HIVEP1: variants seen among roughly 807,000 people sequenced by gnomAD.
HIVEP1 encodes zinc finger protein 40.
Under a neutral mutation model 180.0 loss-of-function variants are expected in HIVEP1, and 36 were observed. That is an observed-to-expected ratio of 0.20 (90% CI 0.15 to 0.26). The LOEUF is 0.26. HIVEP1 is among the 10% of genes least tolerant of loss of function. The pLI is 1.00. For missense variants in HIVEP1, 3,143 were observed against 3,268.7 expected (o/e 0.96, Z 0.94); for synonymous variants, 1,239 against 1,239.0 (o/e 1.00, Z 0.00).
At chr6:12,007,982 A>C (rs1767096108), upstream of HIVEP1, 2 of 152,122 alleles carry the variant, frequency 1.3e-5, no homozygotes, top group South Asian at 4.1e-4. Flanking sequence ...TGTAAAGTGG[A>C]GGCACAGGTA....
the HIVEP1 span, among the ~76,000 whole-genome samples, chr6:12,194,755 TC>T: frequency 1.3e-5 from 2 of 152,094 alleles, no homozygotes; most frequent in African/African-American, 4.8e-5. Context: ...TGAGCAGAGA[TC>T]GCGCCACTGC....
chr6:12,186,694 T>C, the HIVEP1 span, among the ~76,000 whole-genome samples: 2 of 151,954 alleles, frequency 1.3e-5, no homozygotes, highest in African/African-American at 4.8e-5. Context: ...CTCAGCAACA[T>C]AGCAGCTGCA....
chr6:12,068,877 T>TAA (rs60527253), intron 2 of HIVEP1, among the ~76,000 whole-genome samples: 2 of 151,988 alleles, frequency 1.3e-5, no homozygotes, highest in African/African-American at 2.4e-5. Context: ...GCATATACAA[T>TAA]AAAAAATTGG....
chr6:12,062,587 A>C (rs1251619298), intron 2 of HIVEP1, among the ~76,000 whole-genome samples: 1 of 152,210 alleles, frequency 6.6e-6, no homozygotes, highest in African/African-American at 2.4e-5. Context: ...TTGTTAGACA[A>C]TAAGAAGTAA....
chr6:12,011,012 G>A (rs1481945152), upstream of HIVEP1, among the ~76,000 whole-genome samples: 1 of 152,030 alleles, frequency 6.6e-6, no homozygotes, highest in African/African-American at 2.4e-5. Flanking sequence ...AATTGCGCTC[G>A]CAGCTTCGGC....
intron 7 of HIVEP1, among the ~76,000 whole-genome samples, chr6:12,140,879 A>G (rs773850933): frequency 7.9e-5 from 12 of 152,222 alleles, no homozygotes; most frequent in Non-Finnish European, 1.5e-4. Context: ...TGAAAAAACC[A>G]AATCTACATT....
At chr6:12,045,675 G>C (rs1045870985) in intron 2 of HIVEP1, among the ~76,000 whole-genome samples, 2 of 152,178 alleles carry the variant, frequency 1.3e-5, no homozygotes, top group Non-Finnish European at 2.9e-5. Context: ...TAACCCACTG[G>C]TGCCATGGAA....
intron 7 of HIVEP1, among the ~76,000 whole-genome samples, chr6:12,148,154 T>C (rs1300938624): frequency 6.6e-6 from 1 of 152,204 alleles, no homozygotes; most frequent in Admixed American, 6.5e-5. Flanking sequence ...ACTTAAAACA[T>C]GATGAAGGAG....
At chr6:12,117,877 A>G (rs1489793019) in intron 3 of HIVEP1, among the ~76,000 whole-genome samples, 14 of 152,216 alleles carry the variant, frequency 9.2e-5, no homozygotes. Context: ...GGAAGTGGAT[A>G]GAGAGACTAC....
intron 2 of HIVEP1, among the ~76,000 whole-genome samples, chr6:12,079,251 GT>G (rs1458599234): frequency 1.4e-4 from 21 of 152,058 alleles, no homozygotes; most frequent in African/African-American, 4.8e-4. Context: ...TATAACAATA[GT>G]TTATATATTT....
intron 7 of HIVEP1, among the ~76,000 whole-genome samples, chr6:12,143,549 G>T (rs149305346): frequency 6.6e-6 from 1 of 152,310 alleles, no homozygotes; most frequent in East Asian, 1.9e-4. Context: ...AATCAGGCAA[G>T]AGAAAGAAAT....
chr6:12,109,980 A>G (rs35843245), intron 3 of HIVEP1, among the ~76,000 whole-genome samples: 1 of 152,324 alleles, frequency 6.6e-6, no homozygotes, highest in African/African-American at 2.4e-5. Context: ...AGGCATGAAA[A>G]CAACATTCAT....
chr6:12,051,331 A>G (rs1770525918), intron 2 of HIVEP1, among the ~76,000 whole-genome samples: 1 of 151,816 alleles, frequency 6.6e-6, no homozygotes, highest in Admixed American at 6.6e-5. Flanking sequence ...GTCACATTTT[A>G]TTTTTGATTT....
intron 7 of HIVEP1, among the ~76,000 whole-genome samples, chr6:12,156,995 A>G (rs1250215875): frequency 2.0e-5 from 3 of 151,884 alleles, no homozygotes; most frequent in Non-Finnish European, 4.4e-5. Flanking sequence ...TTTATTTCGA[A>G]GCTCTATTGC....
At chr6:12,080,029 T>C (rs1431977093) in intron 2 of HIVEP1, among the ~76,000 whole-genome samples, 1 of 152,192 alleles carries the variant, frequency 6.6e-6, no homozygotes, top group Non-Finnish European at 1.5e-5. Context: ...CTTGCTGTTT[T>C]ATTAATAAAT....
chr6:12,074,278 C>G (rs4304148), intron 2 of HIVEP1, among the ~76,000 whole-genome samples: 41,366 of 152,066 alleles, frequency 0.27, 5,829 homozygotes, highest in East Asian at 0.47. Context: ...CCTGTCTACT[C>G]TCTTCCACTC....
intron 2 of HIVEP1, chr6:12,038,814 T>G (rs1387170036): frequency 6.6e-6 from 1 of 152,190 alleles, no homozygotes; most frequent in Non-Finnish European, 1.5e-5. Context: ...AGATTAACTT[T>G]AGAAATTAAT....
At chr6:12,038,640 C>G (rs1769458619) in intron 2 of HIVEP1, 1 of 152,418 alleles carries the variant, frequency 6.6e-6, no homozygotes, top group South Asian at 2.1e-4. Context: ...CCACTGCACT[C>G]CAGCCTGGGC....
the HIVEP1 span, among the ~76,000 whole-genome samples, chr6:12,173,797 C>CTAAACATACTAG: frequency 6.6e-6 from 1 of 152,120 alleles, no homozygotes; most frequent in Non-Finnish European, 1.5e-5. Flanking sequence ...TGAATGTTGC[C>CTAAACATACTAG]AAATGAGATC....
Sources: gnomAD v4.1 joint callset for allele counts (sites outside exome capture counted in the v4.1 genomes callset) on GRCh38, gnomAD v4.1.1 for gene constraint, MANE v1.5 for transcripts, NCBI Gene and HGNC (gene_info 2026-07-23, HGNC 2026-07-21) for gene names.